The following RP1L1 variants were observed in gnomAD, a reference collection of about 807,000 sequenced individuals.
RP1L1 encodes RP1 like 1, also known as retinitis pigmentosa 1-like 1 protein.
Under a neutral mutation model 15.7 loss-of-function variants are expected in RP1L1, and 27 were observed. The observed-to-expected ratio is 1.72, with a 90% CI of 1.27 to 2.38. The LOEUF is 2.38. Among genes scored for constraint, RP1L1 ranks in the 30% most tolerant of loss-of-function variants. The probability of loss-of-function intolerance (pLI) is 0.00; values close to 1 mark genes in which losing one functional copy is unlikely to be tolerated. For synonymous variants in RP1L1, 1,813 were observed against 1,276.7 expected (o/e 1.42, Z -8.96); for missense variants, 4,798 against 3,075.9 (o/e 1.56, Z -13.24).
chr8:10,639,244 G>T (rs1324529171), intron 1 of RP1L1, among the ~76,000 whole-genome samples: 1 of 152,162 alleles, frequency 6.6e-6, no homozygotes, highest in Non-Finnish European at 1.5e-5. Flanking sequence ...GTCAACAGTG[G>T]GAAAGGCTCA....
chr8:10,652,730 G>A (rs753431255), intron 1 of RP1L1, among the ~76,000 whole-genome samples: 4 of 151,528 alleles, frequency 2.6e-5, no homozygotes, highest in Non-Finnish European at 5.9e-5. Flanking sequence ...TCTGCAGCCT[G>A]AGGCTGGCCG....
Position 10,607,743 on chromosome 8 carries a change from G to A in RP1L1, c.6355C>T (p.Pro2119Ser), listed in dbSNP as rs183636715. Residue 2119 changes from proline to serine, a missense_variant, in exon 4 of 4, where the codon CCA (proline) becomes TCA (serine). Coordinates refer to ENST00000382483, the MANE Select transcript of RP1L1 (RefSeq NM_178857.6). The stretch of plus-strand genomic sequence containing the variant: ...GGCTGGGCCTCCCCTTCAGTCTCTG[G>A]GGCCTCTATACCTTCTGCCTTCTGG... The part of the protein sequence containing the change: ...EAQKAEGIEA[P>S]ETEGEAQPES... The A allele has an allele frequency of 1.6e-4, 261 of 1,603,386 alleles. No homozygotes were observed. Among genetic ancestry groups the A allele is most frequent in the Non-Finnish European group, 2.2e-4 (259 of 1,178,016 alleles).
chr8:10,641,687 TA>T, intron 1 of RP1L1, among the ~76,000 whole-genome samples: 1 of 152,230 alleles, frequency 6.6e-6, no homozygotes, highest in Non-Finnish European at 1.5e-5. Flanking sequence ...AATGAAAACT[TA>T]AGTTCACACA....
chr8:10,619,560 G>T (rs1798025556), intron 2 of RP1L1, among the ~76,000 whole-genome samples: 1 of 152,142 alleles, frequency 6.6e-6, no homozygotes, highest in Non-Finnish European at 1.5e-5. Context: ...CAGGAACCCA[G>T]CCTGTGCTCC....
intron 2 of RP1L1, among the ~76,000 whole-genome samples, chr8:10,620,782 G>C (rs574420995): frequency 1.3e-5 from 2 of 152,354 alleles, no homozygotes; most frequent in Admixed American, 1.3e-4. Context: ...TACACAATGG[G>C]ATAGGGAGGA....
chr8:10,607,103 C>G lies in RP1L1; in HGVS notation c.6995G>C (p.Gly2332Ala), dbSNP rs916547617. Reference protein sequence around the residue: ...DTRSPDAKSTGTPHAERKATR... With the variant: ...DTRSPDAKSTATPHAERKATR... ...GGCCTTCCTCTCTGCATGAGGGGTC[C>G]CCGTGGACTTGGCATCAGGGCTCCT... The change falls in exon 4 of 4, where the codon GGG becomes GCG. Residue 2332 changes from glycine (G) to alanine (A), a missense_variant. Coordinates refer to ENST00000382483, the MANE Select transcript of RP1L1 (RefSeq NM_178857.6). 1 of 1,614,200 alleles carries G rather than the reference C, an allele frequency of 6.2e-7. No individual in the cohort carries two copies.
rs1415221689 is a variant in RP1L1, at chr8:10,610,901, G to C, written c.3197C>G (p.Ala1066Gly). Residue 1066 changes from alanine (A) to glycine (G), a missense_variant, in exon 4 of 4, where the codon GCA becomes GGA. By Grantham distance (60) the Ala-to-Gly change is moderately conservative (BLOSUM62 0). Transcript: ENST00000382483. ...TGCCCGCAGGCTCACCCTGCAGCCT[G>C]CTGGGGCCTCTCTGTCTGCTCCGGC... ...AEAGADREAPAGCRVSLRALP... is the reference protein window; with the variant it reads ...AEAGADREAPGGCRVSLRALP... 1 of 1,610,850 alleles carries C rather than the reference G, an allele frequency of 6.2e-7. No individual in the cohort carries two copies. Among genetic ancestry groups the C allele is most frequent in the Non-Finnish European group, 8.5e-7 (1 of 1,179,152 alleles).
intron 1 of RP1L1, 78 bp downstream of exon 1, chr8:10,654,820 G>C (rs1407710764): frequency 6.5e-6 from 1 of 152,876 alleles, no homozygotes; most frequent in South Asian, 2.1e-4. Flanking sequence ...CCCACTTGCT[G>C]TGACTTCCCA....
intron 1 of RP1L1, among the ~76,000 whole-genome samples, chr8:10,636,386 C>T (rs1287746630): frequency 6.6e-6 from 1 of 152,184 alleles, no homozygotes. Context: ...AGCTGTGAAG[C>T]CTTGGAGGAA....
chr8:10,615,738 T>A (rs1449664281), intron 3 of RP1L1, among the ~76,000 whole-genome samples: 1 of 151,960 alleles, frequency 6.6e-6, no homozygotes, highest in Non-Finnish European at 1.5e-5. Context: ...GGCAGGGTCT[T>A]GCTCTGTTGT....
chr8:10,621,516 G>C (rs907268011), intron 2 of RP1L1: 6 of 344,850 alleles, frequency 1.7e-5, no homozygotes, highest in Middle Eastern at 9.8e-4. Context: ...AGTAGATATA[G>C]GGTTTCGCCC....
chr8:10,612,500 G>C lies in RP1L1; in HGVS notation c.1598C>G (p.Ser533Trp). ...PRARSEEGAS[S>W]DSSASTGSHE... ...AGAGCCGGTGCTGGCTGACGAGTCC[G>C]AAGAAGCCCCCTCCTCACTCCGGGC... The change falls in exon 4 of 4, where the codon TCG (serine) becomes TGG (tryptophan). Residue 533 changes from serine to tryptophan, a missense_variant. Physicochemically the swap from Ser to Trp is radical, Grantham distance 177. Transcript: ENST00000382483. 6.2e-7 allele frequency: 1 copy of C among 1,612,342 alleles called. No homozygotes were observed. The highest frequency in any genetic ancestry group is 8.5e-7 in the Non-Finnish European group (1 of 1,179,972).
intron 1 of RP1L1, among the ~76,000 whole-genome samples, chr8:10,637,250 T>C (rs1356489685): frequency 2.6e-5 from 4 of 152,184 alleles, no homozygotes; most frequent in Non-Finnish European, 5.9e-5. Flanking sequence ...CTCCCAGGCT[T>C]GGCCGCGGAA....
rs779887420 is a variant in RP1L1 at position 10,612,255 on chromosome 8, G to C, written c.1843C>G (p.Leu615Val). 1.9e-6 allele frequency: 3 copies of C among 1,613,154 alleles called. No individual in the cohort carries two copies. The African/African-American group carries it at 4.0e-5, about 22-fold the overall frequency. Residue 615 changes from leucine (L) to valine (V), a missense_variant, in exon 4 of 4, where the codon CTT (leucine) becomes GTT (valine). Leu to Val is a conservative substitution (Grantham distance 32). Coordinates refer to ENST00000382483, the MANE Select transcript of RP1L1 (RefSeq NM_178857.6). ...AVTREPLVLG[L>V]SCSWDSEGAS... ...CCTTCCGAGTCCCAGGAGCAGGAAA[G>C]GCCCAGAACCAGAGGCTCCCTTGTC...
At chr8:10,615,162 G>A (rs115544067) in intron 3 of RP1L1, among the ~76,000 whole-genome samples, 86 of 152,258 alleles carry the variant, frequency 5.6e-4, no homozygotes, top group African/African-American at 2.0e-3. Context: ...AGTGATCACC[G>A]AGCCTGTCCC....
intron 3 of RP1L1, among the ~76,000 whole-genome samples, chr8:10,613,600 C>CAAAAAAAA (rs71203341): frequency 3.2e-5 from 2 of 62,374 alleles, no homozygotes; most frequent in Non-Finnish European, 5.7e-5. Flanking sequence ...ACCATCTCTC[C>CAAAAAAAA]AAAAAAAAAA....
chr8:10,609,707 G>A lies in RP1L1; in HGVS notation c.4391C>T (p.Ala1464Val). The A allele has an allele frequency of 6.2e-7, 1 of 1,613,064 alleles. No homozygotes were observed. The highest frequency in any genetic ancestry group is 2.2e-5 in the East Asian group (1 of 44,860). The change falls in exon 4 of 4, where the codon GCC becomes GTC. Residue 1464 changes from alanine to valine, a missense_variant. Ala to Val is a moderately conservative substitution (Grantham distance 64). Coordinates refer to ENST00000382483, the MANE Select transcript of RP1L1 (RefSeq NM_178857.6). ...CTGGGAGCCACTCTGCCTCTCGCTGGCACTTGGGTCCGTCTCGCTGAGATG... is the reference window on the plus strand; with the variant it reads ...CTGGGAGCCACTCTGCCTCTCGCTGACACTTGGGTCCGTCTCGCTGAGATG... ...PSHLSETDPS[A>V]SERQSGSQLE...
In RP1L1 at chr8:10,612,511, C is replaced by G. The variant is rs750105114; in HGVS notation, c.1587G>C (p.Glu529Asp). Residue 529 changes from glutamate (E) to aspartate (D), a missense_variant, in exon 4 of 4, where the codon GAG becomes GAC. Glu to Asp is a conservative substitution (Grantham distance 45). Transcript: ENST00000382483. ...TGGCTGACGAGTCCGAAGAAGCCCC[C>G]TCCTCACTCCGGGCCCTCGGTGTCA... ...GRLTPRARSE[E>D]GASSDSSAST... is the part of the protein sequence containing the mutation. 67 of 1,612,030 alleles carry G rather than the reference C, an allele frequency of 4.2e-5. No homozygotes were observed. The East Asian group carries it at 1.5e-3, about 36-fold the overall frequency.
chr8:10,633,115 C>T (rs965237432), intron 1 of RP1L1, among the ~76,000 whole-genome samples: 1 of 152,180 alleles, frequency 6.6e-6, no homozygotes, highest in Non-Finnish European at 1.5e-5. Flanking sequence ...ACGGCAGCAG[C>T]GATGACCGCA....
Sources: gnomAD v4.1 joint callset for allele counts (sites outside exome capture counted in the v4.1 genomes callset) on GRCh38, gnomAD v4.1.1 for gene constraint, MANE v1.5 for transcripts, NCBI Gene and HGNC (gene_info 2026-07-23, HGNC 2026-07-21) for gene names.